The following RTTN variants were observed in gnomAD, a reference collection of about 807,000 sequenced individuals.
RTTN encodes rotatin.
RTTN carries 182 observed loss-of-function variants against 269.2 expected under a neutral mutation model. The observed-to-expected ratio is 0.68, with a 90% CI of 0.60 to 0.76. The LOEUF is 0.76. RTTN is among the 30% of genes least tolerant of loss of function. RTTN has a pLI of 0.00. For missense variants in RTTN, 2,545 were observed against 2,608.6 expected (o/e 0.98, Z 0.53); for synonymous variants, 1,006 against 963.5 (o/e 1.04, Z -0.82).
At chr18:70,161,358 T>G (rs2060824605) in intron 14 of RTTN, among the ~76,000 whole-genome samples, 2 of 152,150 alleles carry the variant, frequency 1.3e-5, no homozygotes, top group South Asian at 4.1e-4. Context: ...CAAAATGGAT[T>G]AGACTTAAAT....
Position 70,199,445 on chromosome 18 carries a change from T to C in RTTN, c.547A>G (p.Thr183Ala), listed in dbSNP as rs761210927. 3.1e-6 allele frequency: 5 copies of C among 1,613,028 alleles called. No individual in the cohort carries two copies. Among genetic ancestry groups the C allele is most frequent in the Admixed American group, 1.7e-5 (1 of 59,994 alleles). ...TTAGAGGAGAGGACATGTCTGTCTGTGGTGGTCAGGGGTAGCCAAGGAAAT... is the reference window on the plus strand; with the variant it reads ...TTAGAGGAGAGGACATGTCTGTCTGCGGTGGTCAGGGGTAGCCAAGGAAAT... ...STFPWLPLTT[T>A]DRHVLSSNES... Residue 183 changes from threonine (T) to alanine (A), a missense_variant, in exon 5 of 49, where the codon ACA (threonine) becomes GCA (alanine). By Grantham distance (58) the Thr-to-Ala change is moderately conservative. Coordinates refer to ENST00000640769, the MANE Select transcript of RTTN (RefSeq NM_173630.4).
rs757435134 is a variant in RTTN at position 70,024,717 on chromosome 18, A to C, written c.5950+5T>G. The stretch of plus-strand genomic sequence containing the variant: ...TTATTGAAAGGCAGTATTGGATCCT[A>C]TTACCATTTGGAAAATTTGCAGTAT... On this transcript the variant is annotated splice_donor_5th_base_variant and intron_variant, in intron 44 of 48. Coordinates refer to ENST00000640769, the MANE Select transcript of RTTN (RefSeq NM_173630.4). 2.4e-5 allele frequency: 39 copies of C among 1,611,996 alleles called. No homozygotes were observed. The highest frequency in any genetic ancestry group is 3.0e-5 in the Non-Finnish European group (35 of 1,178,406).
intron 28 of RTTN, among the ~76,000 whole-genome samples, chr18:70,096,147 CA>C (rs2145287614): frequency 6.6e-6 from 1 of 152,200 alleles, no homozygotes; most frequent in Non-Finnish European, 1.5e-5. Context: ...TCAGCTCCAT[CA>C]GGTCATTTAT....
intron 48 of RTTN, 149 bp downstream of exon 48, chr18:70,005,049 T>G (rs1293345500): frequency 7.7e-6 from 4 of 517,196 alleles, no homozygotes; most frequent in African/African-American, 2.0e-5. Flanking sequence ...TTTTATTATT[T>G]TAAAAAATGA....
At chr18:70,066,732 C>G (rs2058146273) in intron 34 of RTTN, among the ~76,000 whole-genome samples, 1 of 152,166 alleles carries the variant, frequency 6.6e-6, no homozygotes, top group Non-Finnish European at 1.5e-5. Context: ...AACCATCATT[C>G]CAGACTCAGA....
At chr18:70,146,624 G>C (rs11662947) in intron 17 of RTTN, among the ~76,000 whole-genome samples, 2 of 152,068 alleles carry the variant, frequency 1.3e-5, no homozygotes, top group African/African-American at 4.8e-5. Flanking sequence ...CTGTATGCAG[G>C]CCTGCCACCT....
At chr18:70,018,075 G>T (rs900441670) in intron 45 of RTTN, among the ~76,000 whole-genome samples, 1 of 152,164 alleles carries the variant, frequency 6.6e-6, no homozygotes, top group Non-Finnish European at 1.5e-5. Context: ...TTGAATACTA[G>T]TTAACAACTC....
At chr18:70,061,519 T>C (rs1333638226) in intron 35 of RTTN, 1 of 415,822 alleles carries the variant, frequency 2.4e-6, no homozygotes, top group Non-Finnish European at 4.8e-6. Flanking sequence ...TGCATGCACA[T>C]ACATACCCCT....
At chr18:70,016,993 G>A (rs1166527462) in intron 46 of RTTN, among the ~76,000 whole-genome samples, 1 of 152,156 alleles carries the variant, frequency 6.6e-6, no homozygotes. Context: ...GAGGAGGAAA[G>A]AGAAGGCCCC....
At chr18:70,058,155 ATAAAATAGCAAAAATACTGGC>A (rs1463555495) in intron 36 of RTTN, among the ~76,000 whole-genome samples, 1 of 152,248 alleles carries the variant, frequency 6.6e-6, no homozygotes, top group Non-Finnish European at 1.5e-5. Flanking sequence ...TATTTTCCTA[ATAAAATAGCAAAAATACTGGC>A]TAAAATAGCA....
rs1348988587 is a variant in RTTN at position 70,055,659 on chromosome 18, T to G, written c.5032-1375A>C. On this transcript the variant is annotated intron_variant, in intron 37 of 48. Coordinates refer to ENST00000640769, the MANE Select transcript of RTTN (RefSeq NM_173630.4). ...ATAGCAAGTCTGACCTCTGGATGTA[T>G]GAAATATTACCATAAATAGATAAAC... 2.0e-5 allele frequency among the ~76,000 whole-genome samples: 3 copies of G among 152,148 alleles called. No individual in the cohort carries two copies. The East Asian group carries it at 5.8e-4, about 29-fold the overall frequency.
intron 21 of RTTN, among the ~76,000 whole-genome samples, chr18:70,139,214 G>C (rs1003839294): frequency 2.6e-5 from 4 of 152,244 alleles, no homozygotes; most frequent in African/African-American, 9.6e-5. Context: ...GAAATAATCA[G>C]ACAAAATGTA....
In RTTN at chr18:70,051,530, G is replaced by C; in HGVS notation, c.5204C>G (p.Ala1735Gly). The stretch of plus-strand genomic sequence containing the variant: ...TAAATGTGTCCATGTGTGATAAAAA[G>C]CTGATATTAACTCTTTATCTATAAA... ...KDVLDKELIS[A>G]FYHTWTHLFN... The change falls in exon 39 of 49, where the codon GCT (alanine) becomes GGT (glycine). Residue 1735 changes from alanine to glycine, a missense_variant. Transcript: ENST00000640769. 6.2e-7 allele frequency: 1 copy of C among 1,605,200 alleles called. No individual in the cohort carries two copies. The highest frequency in any genetic ancestry group is 8.5e-7 in the Non-Finnish European group (1 of 1,173,720).
intron 30 of RTTN, among the ~76,000 whole-genome samples, chr18:70,091,342 G>C (rs2058840047): frequency 6.6e-6 from 1 of 152,034 alleles, no homozygotes; most frequent in African/African-American, 2.4e-5. Context: ...TTGAAGACAG[G>C]GTTTCTAGGA....
At chr18:70,183,601 A>C (rs1252521152) in intron 10 of RTTN, among the ~76,000 whole-genome samples, 1 of 152,128 alleles carries the variant, frequency 6.6e-6, no homozygotes, top group African/African-American at 2.4e-5. Context: ...ACACTTCCTC[A>C]AGGTTTTCTG....
At chr18:70,054,420 T>G (rs1196132315) in intron 37 of RTTN, 136 bp from the exon 38 acceptor site, 1 of 780,346 alleles carries the variant, frequency 1.3e-6, no homozygotes, top group African/African-American at 1.7e-5. Context: ...AATTAACACA[T>G]AGCAGACAAA....
intron 14 of RTTN, among the ~76,000 whole-genome samples, chr18:70,162,582 T>A (rs1419314306): frequency 6.6e-6 from 1 of 151,922 alleles, no homozygotes; most frequent in African/African-American, 2.4e-5. Context: ...AACCATCAGA[T>A]CTCATGAGAA....
At chr18:70,102,110 G>A (rs1408842543) in intron 28 of RTTN, among the ~76,000 whole-genome samples, 1 of 152,178 alleles carries the variant, frequency 6.6e-6, no homozygotes, top group African/African-American at 2.4e-5. Context: ...GTGCAGAGCT[G>A]AGTTCAAGTC....
intron 24 of RTTN, 39 bp downstream of exon 24, chr18:70,128,319 T>C (rs757664104): frequency 4.6e-6 from 7 of 1,528,762 alleles, no homozygotes; most frequent in East Asian, 2.3e-5. Context: ...TTACAATTAA[T>C]TAATTGCAAA....
Sources: gnomAD v4.1 joint callset for allele counts (sites outside exome capture counted in the v4.1 genomes callset) on GRCh38, gnomAD v4.1.1 for gene constraint, MANE v1.5 for transcripts, NCBI Gene and HGNC (gene_info 2026-07-23, HGNC 2026-07-21) for gene names.